The following PC variants were observed in gnomAD, a reference collection of about 807,000 sequenced individuals.
PC encodes pyruvate carboxylase, mitochondrial.
In PC, 46 loss-of-function variants were observed where a neutral mutation model predicts 107.8. The observed-to-expected ratio is 0.43, with a 90% confidence interval of 0.34 to 0.55. The LOEUF is 0.55. Ranked by LOEUF, PC falls within the 20% of genes least tolerant of loss-of-function variation. PC has a pLI of 0.04. For synonymous variants in PC, 662 were observed against 684.7 expected (o/e 0.97, Z 0.52); for missense variants, 1,241 against 1,643.1 (o/e 0.76, Z 4.23).
intron 3 of PC, among the ~76,000 whole-genome samples, chr11:66,936,927 C>T (rs1283616051): frequency 6.6e-6 from 1 of 152,104 alleles, no homozygotes; most frequent in Non-Finnish European, 1.5e-5. Flanking sequence ...GCAACCTCCG[C>T]CTCCCAAGTT....
Position 66,851,962 on chromosome 11 carries a change from G to A in PC, c.1826-16C>T, listed in dbSNP as rs748762360. ...AACGTGGCTCCTGCACAGGAACCGA[G>A]AGGCCCAGATCAGCTCTGCATGCCT... On this transcript the variant is annotated splice_polypyrimidine_tract_variant and intron_variant, in intron 15 of 22. Transcript: ENST00000393960. The A allele has an allele frequency of 6.2e-7, 1 of 1,613,372 alleles. No homozygotes were observed. Among genetic ancestry groups the A allele is most frequent in the Non-Finnish European group, 8.5e-7 (1 of 1,179,910 alleles).
chr11:66,895,186 G>C (rs372405514), intron 3 of PC, among the ~76,000 whole-genome samples: 1 of 152,062 alleles, frequency 6.6e-6, no homozygotes, highest in Admixed American at 6.6e-5. Flanking sequence ...AGGGCCTGGG[G>C]ACCTTGCCAA....
At chr11:66,924,997 C>T (rs1049326149) in intron 3 of PC, among the ~76,000 whole-genome samples, 3 of 152,052 alleles carry the variant, frequency 2.0e-5, no homozygotes, top group African/African-American at 7.2e-5. Flanking sequence ...TGCCCCCCAG[C>T]CATAAAACCA....
At chr11:66,950,154 G>A (rs1287934890) in intron 3 of PC, among the ~76,000 whole-genome samples, 4 of 152,226 alleles carry the variant, frequency 2.6e-5, no homozygotes, top group Non-Finnish European at 5.9e-5. Flanking sequence ...TGGGCAGCAT[G>A]TGTCACTTCA....
intron 3 of PC, among the ~76,000 whole-genome samples, chr11:66,885,354 G>T (rs1337378239): frequency 1.3e-5 from 2 of 152,106 alleles, no homozygotes; most frequent in Non-Finnish European, 2.9e-5. Flanking sequence ...GCCAGGTGTG[G>T]TGGTGGCTGC....
intron 2 of PC, among the ~76,000 whole-genome samples, chr11:66,953,850 C>A (rs1949492824): frequency 2.0e-5 from 3 of 152,164 alleles, no homozygotes; most frequent in Non-Finnish European, 4.4e-5. Context: ...CGTTATTTCA[C>A]CTCTCTGAGT....
chr11:66,905,919 G>A (rs1199865426), intron 3 of PC, among the ~76,000 whole-genome samples: 1 of 152,200 alleles, frequency 6.6e-6, no homozygotes, highest in African/African-American at 2.4e-5. Context: ...AGGAGCAGAG[G>A]TGGAACAGCA....
chr11:66,931,542 G>C (rs1354143721), intron 3 of PC, among the ~76,000 whole-genome samples: 13 of 151,818 alleles, frequency 8.6e-5, no homozygotes, highest in Admixed American at 8.5e-4. Context: ...TTTTAAACAT[G>C]TCTTCTGTTA....
chr11:66,876,663 C>T (rs561477546), intron 3 of PC, among the ~76,000 whole-genome samples: 1 of 152,290 alleles, frequency 6.6e-6, no homozygotes, highest in East Asian at 1.9e-4. Flanking sequence ...CTGCTCCAGG[C>T]GAGTTATCGG....
At position 66,849,168 on chromosome 11, in the gene PC, G is replaced by A. The variant is rs377509358; in HGVS notation, c.3289-21C>T. On this transcript the variant is annotated intron_variant, in intron 22 of 22. Transcript: ENST00000393960. ...ATCTCCTGAAGACACAGGGCAGAGG[G>A]GACATGACATCCTGGGCCCAGCCAA... The A allele has an allele frequency of 3.7e-6, 6 of 1,613,752 alleles. No homozygotes were observed. In the South Asian group the frequency reaches 6.6e-5, roughly 18 times the overall value.
At chr11:66,948,993 T>C (rs1053443976) in intron 3 of PC, among the ~76,000 whole-genome samples, 1 of 151,550 alleles carries the variant, frequency 6.6e-6, no homozygotes, top group African/African-American at 2.4e-5. Context: ...TTATTATTTA[T>C]TATTATTATT....
At chr11:66,851,308 A>G in intron 16 of PC, 28 bp from the exon 17 acceptor site, 1 of 1,599,542 alleles carries the variant, frequency 6.3e-7, no homozygotes, top group Non-Finnish European at 8.5e-7. Context: ...CCCAGGGCTG[A>G]GCCCCACCCC....
chr11:66,848,778 TG>T lies in PC; in HGVS notation c.*120del. 1 of 1,252,544 alleles carries T rather than the reference TG, an allele frequency of 8.0e-7. No homozygotes were observed. The highest frequency in any genetic ancestry group is 1.2e-6 in the Non-Finnish European group (1 of 867,824). 77.6% of individuals were successfully genotyped at this position (1,252,544 alleles called of 1,614,324 possible). On this transcript the variant is annotated 3_prime_UTR_variant, in exon 23 of 23. Coordinates refer to ENST00000393960, the MANE Select transcript of PC (RefSeq NM_001040716.2). ...AGGCGGTGTCTCTCCTGTCCAGCTG[TG>T]GACAGGACCTCCACGGCCCGGCCTT...
At chr11:66,911,591 A>T (rs906446629) in intron 3 of PC, among the ~76,000 whole-genome samples, 11 of 152,096 alleles carry the variant, frequency 7.2e-5, no homozygotes, top group African/African-American at 2.7e-4. Context: ...CTCTTTAAAA[A>T]AGTAATAATA....
chr11:66,907,151 T>A (rs1948190751), intron 3 of PC, among the ~76,000 whole-genome samples: 1 of 152,196 alleles, frequency 6.6e-6, no homozygotes, highest in African/African-American at 2.4e-5. Context: ...GGCCTTTCCC[T>A]CAACTGTCAC....
Position 66,911,437 on chromosome 11 carries a change from A to C in PC, c.1-39278T>G, listed in dbSNP as rs867079353. Among the ~76,000 whole-genome samples, 56 of 152,022 alleles carry C rather than the reference A, an allele frequency of 3.7e-4. No individual in the cohort carries two copies. The Middle Eastern group carries it at 0.01, about 28-fold the overall frequency. On this transcript the variant is annotated intron_variant, in intron 3 of 22. Coordinates refer to ENST00000393960, the MANE Select transcript of PC (RefSeq NM_001040716.2). Reference sequence around the variant, plus strand: ...CAGCCTGGACAAAAAAAAAAAAAAAACACCATAACCCAGGTGCAATGGCAG... The same window carrying C: ...CAGCCTGGACAAAAAAAAAAAAAAACCACCATAACCCAGGTGCAATGGCAG...
chr11:66,898,175 A>T (rs1170655707), intron 3 of PC, among the ~76,000 whole-genome samples: 1 of 152,164 alleles, frequency 6.6e-6, no homozygotes, highest in East Asian at 1.9e-4. Context: ...ATGTTCTGAG[A>T]TCCTGAAAAA....
chr11:66,927,873 C>T (rs1046630919), intron 3 of PC, among the ~76,000 whole-genome samples: 3 of 151,630 alleles, frequency 2.0e-5, no homozygotes, highest in African/African-American at 4.9e-5. Flanking sequence ...AAAGGTTTGT[C>T]GAATTGGGAC....
Position 66,859,727 on chromosome 11 carries a change from C to T in PC, c.1368+4047G>A, listed in dbSNP as rs367605309. ...TCTGCCTGCTGGCCTTGTCACCGGC[C>T]GCTGGGCCCTCTGACCTCACGGCCA... is the stretch of plus-strand genomic sequence containing the variant. On this transcript the variant is annotated intron_variant, in intron 12 of 22. Transcript: ENST00000393960. 3.1e-4 allele frequency: 495 copies of T among 1,611,084 alleles called. No homozygotes were observed. The highest frequency in any genetic ancestry group is 4.0e-4 in the Non-Finnish European group (474 of 1,179,190).
Sources: allele counts gnomAD v4.1 joint callset (sites outside exome capture counted in the v4.1 genomes callset), GRCh38; gene constraint gnomAD v4.1.1; transcripts MANE v1.5; gene names NCBI Gene and HGNC (gene_info 2026-07-23, HGNC 2026-07-21).